NCAPD3: variants seen among roughly 807,000 people sequenced by gnomAD.
NCAPD3 encodes the protein condensin-2 complex subunit D3.
A neutral mutation model predicts 182.9 loss-of-function variants in NCAPD3; 105 were observed. The observed-to-expected ratio is 0.57, with a 90% confidence interval of 0.49 to 0.68. NCAPD3 has a LOEUF of 0.68. Ranked by LOEUF, NCAPD3 falls within the 30% of genes least tolerant of loss-of-function variation. The pLI is 0.00. For missense variants in NCAPD3, 1,944 were observed against 1,837.0 expected (o/e 1.06, Z -1.07); for synonymous variants, 815 against 679.9 (o/e 1.20, Z -3.09).
At chr11:134,159,392 G>A (rs1390691095) in intron 29 of NCAPD3, among the ~76,000 whole-genome samples, 1 of 152,238 alleles carries the variant, frequency 6.6e-6, no homozygotes, top group East Asian at 1.9e-4. Flanking sequence ...CCCTGGGTAA[G>A]TTGAATTTCC....
chr11:134,177,393 G>A lies in NCAPD3; in HGVS notation c.2847C>T (p.Leu949=), dbSNP rs150304737. The A allele has an allele frequency of 2.8e-5, 45 of 1,614,108 alleles. No individual in the cohort carries two copies. Among genetic ancestry groups the A allele is most frequent in the Middle Eastern group, 1.6e-4 (1 of 6,084 alleles). Residue 949 remains leucine (L), a synonymous_variant, in exon 23 of 35, where the codon CTC becomes CTT. Transcript: ENST00000534548. ...GGACAGCCACGTCCTCACACACCTC[G>A]AGCTCTCGCACCAGGGCTGGGATGC... ...KKSIPALVRE[L]EVCEDVAVRN... is the part of the protein sequence containing the mutation.
At chr11:134,206,888 A>T (rs1333837648) in intron 7 of NCAPD3, among the ~76,000 whole-genome samples, 156 bp from the exon 8 acceptor site, 1 of 152,236 alleles carries the variant, frequency 6.6e-6, no homozygotes, top group African/African-American at 2.4e-5. Flanking sequence ...TTTCTTAAAC[A>T]ATGAGCAGGG....
intron 1 of NCAPD3, 73 bp downstream of exon 1, chr11:134,223,790 C>G (rs1399798239): frequency 2.6e-6 from 4 of 1,548,194 alleles, no homozygotes; most frequent in Non-Finnish European, 3.5e-6. Context: ...CACCCCGGCC[C>G]GGGCTTAGGC....
intron 24 of NCAPD3, among the ~76,000 whole-genome samples, chr11:134,169,298 A>G (rs913403054): frequency 4.6e-5 from 7 of 152,200 alleles, no homozygotes; most frequent in Non-Finnish European, 1.0e-4. Flanking sequence ...TTTCCTTTCA[A>G]AATTGACACA....
In NCAPD3 at chr11:134,210,464, A is replaced by G. The variant is rs911834051; in HGVS notation, c.383-10T>C. ...TGATTGGCTACACTGCCTATTCATG[A>G]GGAATAAAGAGTAAGCAAGTTAGAT... is the stretch of plus-strand genomic sequence containing the variant. On this transcript the variant is annotated splice_polypyrimidine_tract_variant and intron_variant, in intron 3 of 34. Coordinates refer to ENST00000534548, the MANE Select transcript of NCAPD3 (RefSeq NM_015261.3). 2 of 1,607,156 alleles carry G rather than the reference A, an allele frequency of 1.2e-6. No individual in the cohort carries two copies. The highest frequency in any genetic ancestry group is 2.7e-5 in the African/African-American group (2 of 74,484).
rs1429540844 is a variant in NCAPD3, at chr11:134,151,544, G to A, written c.*1400C>T. ...GTAGAGAGAAGTGAAAGTAGAGTCT[G>A]GGAAGTAGCTGCCTATAACTGAGAC... On this transcript the variant is annotated 3_prime_UTR_variant, in exon 35 of 35. Coordinates refer to ENST00000534548, the MANE Select transcript of NCAPD3 (RefSeq NM_015261.3). 2.6e-5 allele frequency: 4 copies of A among 152,210 alleles called. No individual in the cohort carries two copies. The highest frequency in any genetic ancestry group is 7.2e-5 in the African/African-American group (3 of 41,444). 9.4% of individuals were successfully genotyped at this position (152,210 alleles called of 1,614,324 possible).
intron 7 of NCAPD3, 96 bp from the exon 8 acceptor site, chr11:134,206,828 C>A (rs1021432847): frequency 3.7e-6 from 5 of 1,334,610 alleles, no homozygotes; most frequent in South Asian, 3.1e-5. Context: ...TTCAAGCCAT[C>A]TGAAGGTAGG....
intron 32 of NCAPD3, 169 bp from the exon 33 acceptor site, chr11:134,153,532 T>G (rs1247186000): frequency 4.4e-6 from 3 of 682,828 alleles, no homozygotes; most frequent in Non-Finnish European, 7.8e-6. Flanking sequence ...GGGCCCCTCC[T>G]GGGGATGCTC....
intron 16 of NCAPD3, among the ~76,000 whole-genome samples, chr11:134,190,291 G>A (rs553099668): frequency 6.6e-6 from 1 of 152,190 alleles, no homozygotes; most frequent in Non-Finnish European, 1.5e-5. Context: ...GCACCCTCCA[G>A]CTCATCCTAC....
chr11:134,166,393 G>C (rs1218760184), intron 27 of NCAPD3, among the ~76,000 whole-genome samples: 1 of 11,596 alleles, frequency 8.6e-5, no homozygotes, highest in Non-Finnish European at 1.4e-4. Flanking sequence ...TTGGGGGAGG[G>C]GCACACTCAC....
intron 27 of NCAPD3, among the ~76,000 whole-genome samples, chr11:134,163,954 C>T (rs1427552226): frequency 6.6e-6 from 1 of 151,140 alleles, no homozygotes; most frequent in African/African-American, 2.4e-5. Context: ...AGAAAGAAAC[C>T]AGAAACAGAA....
Position 134,153,008 on chromosome 11 carries a change from T to C in NCAPD3, c.4433A>G (p.Asn1478Ser). 6.3e-7 allele frequency: 1 copy of C among 1,592,396 alleles called. No homozygotes were observed. The highest frequency in any genetic ancestry group is 2.2e-5 in the East Asian group (1 of 44,528). Residue 1478 changes from asparagine to serine, a missense_variant, in exon 35 of 35, where the codon AAT becomes AGT. Physicochemically the swap from Asn to Ser is conservative, Grantham distance 46 (BLOSUM62 1). This residue lies in a region of NCAPD3 where 1,803 missense variants were observed against 1,674.6 expected (regional missense o/e 1.08). Coordinates refer to ENST00000534548, the MANE Select transcript of NCAPD3 (RefSeq NM_015261.3). ...QQWNVRSPAR[N>S]KDTPACSRRS... ...CCTGCTGCAGGCTGGAGTGTCTTTA[T>C]TCCTGGCGGGAGACCGCACATTCCA...
chr11:134,220,783 C>T, intron 1 of NCAPD3, 57 bp from the exon 2 acceptor site: 1 of 1,532,260 alleles, frequency 6.5e-7, no homozygotes. Flanking sequence ...AAAAACTAGT[C>T]ACCTTTAGAT....
intron 6 of NCAPD3, 69 bp downstream of exon 6, chr11:134,209,076 C>T: frequency 2.0e-6 from 3 of 1,528,482 alleles, no homozygotes; most frequent in Non-Finnish European, 1.8e-6. Flanking sequence ...AATGGTATTT[C>T]CATTTCTGCT....
At chr11:134,223,197 T>G in intron 1 of NCAPD3, 1 of 545,576 alleles carries the variant, frequency 1.8e-6, no homozygotes. Flanking sequence ...TCAAAAGTCG[T>G]TCTGCAAAAG....
chr11:134,168,493 A>G lies in NCAPD3; in HGVS notation c.3349T>C (p.Ser1117Pro). ...FTDEQRFNIT[S>P]KICLSILACF... ...CCCAAAATACTAAGGCAGATTTTGGAAGTGATGTTGAATCGCTGTTCATCT... is the reference window on the plus strand; with the variant it reads ...CCCAAAATACTAAGGCAGATTTTGGGAGTGATGTTGAATCGCTGTTCATCT... Residue 1117 changes from serine (S) to proline (P), a missense_variant, in exon 26 of 35, where the codon TCC becomes CCC. This residue lies in a region of NCAPD3 where 1,803 missense variants were observed against 1,674.6 expected (regional missense o/e 1.08). Transcript: ENST00000534548. The G allele has an allele frequency of 6.2e-7, 1 of 1,614,220 alleles. No individual in the cohort carries two copies. Among genetic ancestry groups the G allele is most frequent in the East Asian group, 2.2e-5 (1 of 44,884 alleles).
At chr11:134,167,733 C>A (rs1162077628) in intron 27 of NCAPD3, among the ~76,000 whole-genome samples, 2 of 116,268 alleles carry the variant, frequency 1.7e-5, no homozygotes, top group Admixed American at 1.1e-4. Context: ...GGCGCACACT[C>A]GTGAGATGAG....
intron 22 of NCAPD3, 89 bp downstream of exon 22, chr11:134,178,545 C>G: frequency 9.8e-7 from 1 of 1,022,762 alleles, no homozygotes; most frequent in Non-Finnish European, 1.4e-6. Flanking sequence ...GGCTCCGCAG[C>G]CCCTGACACA....
chr11:134,212,375 TTGTGTGTGTGTG>T (rs56807520), intron 3 of NCAPD3, among the ~76,000 whole-genome samples: 1 of 143,172 alleles, frequency 7.0e-6, no homozygotes, highest in East Asian at 2.1e-4. Context: ...TTTTGTTGTT[TTGTGTGTGTGTG>T]TGTGTGTGTG....
Sources: allele counts gnomAD v4.1 joint callset (sites outside exome capture counted in the v4.1 genomes callset), GRCh38; gene constraint gnomAD v4.1.1; regional missense constraint gnomAD v4.1.1; transcripts MANE v1.5; gene names NCBI Gene and HGNC (gene_info 2026-07-23, HGNC 2026-07-21).